COG5: variants seen among roughly 807,000 people sequenced by gnomAD.
COG5 encodes component of oligomeric golgi complex 5.
A neutral mutation model predicts 110.4 loss-of-function variants in COG5; 86 were observed. The ratio of observed to expected loss-of-function variants is 0.78; its 90% CI spans 0.65 to 0.93. The LOEUF (loss-of-function observed/expected upper bound fraction) is 0.93. Among genes scored for constraint, COG5 ranks in the 40% least tolerant of loss-of-function variants. The pLI is 0.00. For missense variants in COG5, 1,077 were observed against 987.0 expected, an observed-to-expected ratio of 1.09 and a Z score of -1.22; for synonymous variants, 360 against 334.6, an observed-to-expected ratio of 1.08 and a Z score of -0.83.
chr7:107,269,155 A>G (rs1014231765), intron 14 of COG5, among the ~76,000 whole-genome samples: 1 of 152,086 alleles, frequency 6.6e-6, no homozygotes, highest in East Asian at 1.9e-4. Flanking sequence ...CTATTCTTTC[A>G]GTAGTCATAA....
chr7:107,468,143 A>AAG (rs1161835088), intron 6 of COG5, among the ~76,000 whole-genome samples: 1 of 152,170 alleles, frequency 6.6e-6, no homozygotes, highest in Non-Finnish European at 1.5e-5. Context: ...TAATTTTCCA[A>AAG]AGAGAGAAGG....
intron 11 of COG5, among the ~76,000 whole-genome samples, chr7:107,302,249 AAAG>A (rs1472448579): frequency 2.0e-5 from 3 of 152,212 alleles, no homozygotes; most frequent in Admixed American, 6.6e-5. Flanking sequence ...ATGCTGCATG[AAAG>A]AAGCCAAACA....
chr7:107,347,697 C>G (rs972028978), intron 10 of COG5, among the ~76,000 whole-genome samples: 1 of 152,098 alleles, frequency 6.6e-6, no homozygotes, highest in African/African-American at 2.4e-5. Flanking sequence ...ATAAATAGTA[C>G]AATTGTTATG....
At chr7:107,339,453 T>A (rs538353179) in intron 10 of COG5, among the ~76,000 whole-genome samples, 1 of 152,186 alleles carries the variant, frequency 6.6e-6, no homozygotes, top group African/African-American at 2.4e-5. Flanking sequence ...ACTGAGAGCA[T>A]TCCATAGATC....
chr7:107,281,175 CT>C, intron 14 of COG5, 124 bp downstream of exon 14: 1 of 746,874 alleles, frequency 1.3e-6, no homozygotes, highest in Admixed American at 2.6e-5. Flanking sequence ...AAGTTACAAA[CT>C]TTCACTACAG....
chr7:107,209,966 GCACCC>G, intron 21 of COG5: 1 of 990,032 alleles, frequency 1.0e-6, no homozygotes, highest in South Asian at 4.6e-5. Flanking sequence ...GACAGTTAAA[GCACCC>G]CACCCTGGGC....
chr7:107,562,130 G>C (rs1285856531), intron 1 of COG5, among the ~76,000 whole-genome samples: 1 of 152,180 alleles, frequency 6.6e-6, no homozygotes, highest in Admixed American at 6.5e-5. Flanking sequence ...ACATCTGATG[G>C]ATCCTCTTTT....
In COG5 at chr7:107,401,182, TTGGGTGTTATG is replaced by T. The variant is rs1584776057; in HGVS notation, c.669+11309_669+11319del. On this transcript the variant is annotated intron_variant, in intron 7 of 21. Coordinates refer to ENST00000297135, the MANE Select transcript of COG5 (RefSeq NM_006348.5). ...GGCTGTAGTTTACCAACCCATGATT[TTGGGTGTTATG>T]TAAGAGTTCAAATTAATTTCCATTC... 8.5e-5 allele frequency among the ~76,000 whole-genome samples: 13 copies of T among 152,246 alleles called. No homozygotes were observed. In the East Asian group the frequency reaches 2.3e-3, roughly 27 times the overall value.
At chr7:107,373,409 A>G (rs1201623765) in intron 7 of COG5, among the ~76,000 whole-genome samples, 1 of 152,174 alleles carries the variant, frequency 6.6e-6, no homozygotes. Context: ...ATAAGAATAG[A>G]GTATGATGGG....
At chr7:107,399,568 T>A (rs920925843) in intron 7 of COG5, among the ~76,000 whole-genome samples, 2 of 152,218 alleles carry the variant, frequency 1.3e-5, no homozygotes, top group Non-Finnish European at 2.9e-5. Flanking sequence ...GCCATGATTA[T>A]ACGTTTCCTG....
chr7:107,455,982 A>G (rs1795645771), intron 6 of COG5, among the ~76,000 whole-genome samples: 1 of 151,838 alleles, frequency 6.6e-6, no homozygotes, highest in African/African-American at 2.4e-5. Context: ...ATTTTTTAGT[A>G]GAGACAGGGT....
intron 10 of COG5, among the ~76,000 whole-genome samples, chr7:107,343,297 C>T (rs1377647957): frequency 6.6e-6 from 1 of 152,102 alleles, no homozygotes; most frequent in Non-Finnish European, 1.5e-5. Flanking sequence ...ATCATTTATA[C>T]CCCAAATCCC....
chr7:107,290,470 TAAG>T (rs1178606338), intron 12 of COG5, among the ~76,000 whole-genome samples: 1 of 152,234 alleles, frequency 6.6e-6, no homozygotes, highest in African/African-American at 2.4e-5. Flanking sequence ...TTAGGTCAGT[TAAG>T]AGAAGAAGAA....
chr7:107,372,946 AT>A (rs1466226153), intron 7 of COG5, among the ~76,000 whole-genome samples, 186 bp from the exon 8 acceptor site: 1 of 151,012 alleles, frequency 6.6e-6, no homozygotes, highest in Non-Finnish European at 1.5e-5. Flanking sequence ...ACTTTATTTC[AT>A]AAAATACAAA....
intron 10 of COG5, among the ~76,000 whole-genome samples, chr7:107,351,033 T>TA (rs1442136077): frequency 1.3e-5 from 2 of 152,142 alleles, no homozygotes; most frequent in Non-Finnish European, 2.9e-5. Flanking sequence ...GTAGAATTTG[T>TA]ATGTACTGTA....
intron 6 of COG5, among the ~76,000 whole-genome samples, chr7:107,510,710 C>T (rs143563553): frequency 0.013 from 2,006 of 152,276 alleles, 50 homozygotes; most frequent in African/African-American, 0.045. Context: ...GACCACAGTG[C>T]AATCAAACTA....
At chr7:107,306,838 G>T (rs73415462) in intron 11 of COG5, among the ~76,000 whole-genome samples, 1 of 151,998 alleles carries the variant, frequency 6.6e-6, no homozygotes, top group Non-Finnish European at 1.5e-5. Flanking sequence ...CCTTCTTCCC[G>T]TCTATTTCTA....
chr7:107,410,797 G>C (rs561770313), intron 7 of COG5, among the ~76,000 whole-genome samples: 57 of 152,140 alleles, frequency 3.7e-4, no homozygotes, highest in Non-Finnish European at 8.1e-4. Flanking sequence ...AGGAACAAGG[G>C]AGTGGGAGGG....
chr7:107,369,083 G>T (rs1289119306), intron 8 of COG5, among the ~76,000 whole-genome samples: 1 of 152,160 alleles, frequency 6.6e-6, no homozygotes, highest in African/African-American at 2.4e-5. Flanking sequence ...AGAGGCATGT[G>T]TCACCATGCC....
Sources: gnomAD v4.1 joint callset for allele counts (sites outside exome capture counted in the v4.1 genomes callset) on GRCh38, gnomAD v4.1.1 for gene constraint, MANE v1.5 for transcripts, NCBI Gene and HGNC (gene_info 2026-07-23, HGNC 2026-07-21) for gene names.